The following FGGY variants were observed in gnomAD, a reference collection of about 807,000 sequenced individuals.
FGGY encodes FGGY carbohydrate kinase domain-containing protein.
In FGGY, 72 loss-of-function variants were observed where a neutral mutation model predicts 71.3. The observed-to-expected ratio is 1.01, with a 90% CI of 0.84 to 1.23. The LOEUF is 1.23. FGGY is among the 50% of genes most tolerant of loss of function. The pLI is 0.00. For missense variants in FGGY, 668 were observed against 682.3 expected, an observed-to-expected ratio of 0.98 and a Z score of 0.23; for synonymous variants, 251 against 250.3, an observed-to-expected ratio of 1.00 and a Z score of -0.02.
rs573781231 is a variant in FGGY at position 59,512,350 on chromosome 1, G to A, written c.710G>A (p.Gly237Glu). ...CCTCCTGGAGCTTCTCTTGGAAATG[G>A]GCTCACACCAGAGGCAGCAAGAGAC... Reference protein sequence around the residue: ...VLPPGASLGNGLTPEAARDLG... With the variant: ...VLPPGASLGNELTPEAARDLG... The change falls in exon 7 of 16, where the codon GGG (glycine) becomes GAG (glutamate). Residue 237 changes from glycine (G) to glutamate (E), a missense_variant. Gly to Glu is a moderately conservative substitution (Grantham distance 98). Transcript: ENST00000303721. The A allele has an allele frequency of 1.4e-5, 23 of 1,613,022 alleles. No individual in the cohort carries two copies. Among genetic ancestry groups the A allele is most frequent in the African/African-American group, 4.0e-5 (3 of 74,982 alleles).
intron 5 of FGGY, among the ~76,000 whole-genome samples, chr1:59,385,144 T>C (rs746830869): frequency 2.6e-5 from 4 of 152,028 alleles, no homozygotes; most frequent in Non-Finnish European, 5.9e-5. Flanking sequence ...CTCCTCCCCT[T>C]TCTCTCTTCC....
chr1:59,496,026 A>T (rs1001216965), intron 6 of FGGY, among the ~76,000 whole-genome samples: 1 of 152,158 alleles, frequency 6.6e-6, no homozygotes, highest in Non-Finnish European at 1.5e-5. Flanking sequence ...GAAAAATGTC[A>T]TTGGCAGTTT....
chr1:59,360,487 G>A (rs1055946294), intron 4 of FGGY, among the ~76,000 whole-genome samples: 8 of 152,154 alleles, frequency 5.3e-5, no homozygotes, highest in Non-Finnish European at 8.8e-5. Context: ...GAGTTTTGGG[G>A]TTCAAGTGGC....
intron 14 of FGGY, among the ~76,000 whole-genome samples, chr1:59,730,658 C>A (rs2098015128): frequency 1.3e-5 from 2 of 152,092 alleles, no homozygotes; most frequent in East Asian, 3.9e-4. Context: ...GGTGGACATA[C>A]AACTAAAATA....
At chr1:59,399,593 T>A (rs1238714285) in intron 5 of FGGY, among the ~76,000 whole-genome samples, 1 of 152,210 alleles carries the variant, frequency 6.6e-6, no homozygotes, top group Non-Finnish European at 1.5e-5. Flanking sequence ...TAGCTCTTTG[T>A]AAGGATTAAA....
intron 6 of FGGY, among the ~76,000 whole-genome samples, chr1:59,477,485 C>T (rs544451101): frequency 6.6e-6 from 1 of 152,250 alleles, no homozygotes; most frequent in African/African-American, 2.4e-5. Flanking sequence ...CAGAAGTTTG[C>T]CTGCTGCTTA....
intron 5 of FGGY, among the ~76,000 whole-genome samples, chr1:59,453,960 C>T (rs1463897127): frequency 6.6e-6 from 1 of 152,036 alleles, no homozygotes; most frequent in African/African-American, 2.4e-5. Context: ...GCCATGAACT[C>T]AACCTTTATC....
intron 6 of FGGY, among the ~76,000 whole-genome samples, chr1:59,476,777 G>A (rs1481464822): frequency 1.3e-5 from 2 of 152,212 alleles, no homozygotes; most frequent in African/African-American, 4.8e-5. Context: ...CCCTTCCTCA[G>A]TGCTGACTTG....
chr1:59,323,315 T>C (rs2046744998), intron 2 of FGGY, among the ~76,000 whole-genome samples: 2 of 152,210 alleles, frequency 1.3e-5, no homozygotes, highest in South Asian at 4.1e-4. Flanking sequence ...CTCCCAGTGG[T>C]GGCCAACTTA....
At chr1:59,684,066 C>T (rs1276577114) in intron 14 of FGGY, among the ~76,000 whole-genome samples, 1 of 152,088 alleles carries the variant, frequency 6.6e-6, no homozygotes, top group Non-Finnish European at 1.5e-5. Flanking sequence ...TTTTTTAAGC[C>T]AAGGCTCATC....
intron 5 of FGGY, among the ~76,000 whole-genome samples, chr1:59,454,074 G>A (rs2091454663): frequency 1.3e-5 from 2 of 152,116 alleles, no homozygotes; most frequent in Non-Finnish European, 2.9e-5. Flanking sequence ...TCACAGAGGA[G>A]CTGACATTGG....
At chr1:59,721,362 G>A (rs1404328516) in intron 14 of FGGY, among the ~76,000 whole-genome samples, 10 of 63,492 alleles carry the variant, frequency 1.6e-4, no homozygotes, top group South Asian at 5.2e-4. Context: ...TTTTTGAGAC[G>A]GAGTCTTGCT....
At chr1:59,319,328 A>G (rs2045982023) in intron 1 of FGGY, among the ~76,000 whole-genome samples, 1 of 152,214 alleles carries the variant, frequency 6.6e-6, no homozygotes, top group African/African-American at 2.4e-5. Flanking sequence ...TCATTCAGTA[A>G]ACATTTACTG....
chr1:59,448,990 A>T (rs998883880), intron 5 of FGGY, among the ~76,000 whole-genome samples: 3 of 152,100 alleles, frequency 2.0e-5, no homozygotes, highest in Admixed American at 2.0e-4. Flanking sequence ...CCTATAAAAC[A>T]GGGGCAGCTT....
chr1:59,376,770 T>C (rs1175828798), intron 4 of FGGY, among the ~76,000 whole-genome samples: 1 of 152,222 alleles, frequency 6.6e-6, no homozygotes, highest in Admixed American at 6.5e-5. Context: ...CCTATGCTTA[T>C]AATTCCTTTT....
chr1:59,739,412 A>G (rs1269406195), intron 14 of FGGY, among the ~76,000 whole-genome samples: 3 of 152,216 alleles, frequency 2.0e-5, no homozygotes, highest in African/African-American at 7.2e-5. Flanking sequence ...AAAAACGTTC[A>G]TTCAAATAAG....
At chr1:59,532,738 T>C (rs2095183722) in intron 7 of FGGY, among the ~76,000 whole-genome samples, 1 of 152,144 alleles carries the variant, frequency 6.6e-6, no homozygotes, top group Admixed American at 6.5e-5. Context: ...AATGTTCCAA[T>C]TCTTACCACG....
At chr1:59,335,592 G>A (rs1246604099) in intron 2 of FGGY, among the ~76,000 whole-genome samples, 2 of 152,040 alleles carry the variant, frequency 1.3e-5, no homozygotes, top group Non-Finnish European at 2.9e-5. Context: ...TGAAGTTGCC[G>A]GGTTGTGTGG....
At chr1:59,742,934 T>C (rs1206656855) in intron 14 of FGGY, among the ~76,000 whole-genome samples, 1 of 152,238 alleles carries the variant, frequency 6.6e-6, no homozygotes, top group Non-Finnish European at 1.5e-5. Context: ...ACTTTTACCA[T>C]TCTTTAGTTT....
Sources: gnomAD v4.1 joint callset for allele counts (sites outside exome capture counted in the v4.1 genomes callset) on GRCh38, gnomAD v4.1.1 for gene constraint, MANE v1.5 for transcripts, NCBI Gene and HGNC (gene_info 2026-07-23, HGNC 2026-07-21) for gene names.